MALSU1: variants seen among roughly 807,000 people sequenced by gnomAD.
The protein encoded by MALSU1 is mitochondrial assembly of ribosomal large subunit 1.
Under a neutral mutation model 22.1 loss-of-function variants are expected in MALSU1, and 22 were observed. The observed-to-expected ratio is 1.00, with a 90% CI of 0.71 to 1.42. The LOEUF (loss-of-function observed/expected upper bound fraction) is 1.42, where lower values mean the gene tolerates loss of function less well. Ranked by LOEUF, MALSU1 falls within the 40% of genes most tolerant of loss-of-function variation. The pLI, the probability that MALSU1 is intolerant of heterozygous loss-of-function variation, is 0.00. For missense variants in MALSU1, 379 were observed against 308.3 expected (o/e 1.23, Z -1.72); for synonymous variants, 153 against 118.5 (o/e 1.29, Z -1.89).
chr7:23,300,749 T>C (rs1783631219), intron 1 of MALSU1, 90 bp from the exon 2 acceptor site: 1 of 1,135,088 alleles, frequency 8.8e-7, no homozygotes, highest in Non-Finnish European at 1.3e-6. Context: ...AACACCCTCA[T>C]GGAGGAACAG....
Position 23,311,420 on chromosome 7 carries a change from GAA to G in MALSU1, c.*1878_*1879del, listed in dbSNP as rs1783825347. ...CAATCATGTAGCTAAACAAAAAACT[GAA>G]GTCTCCTGAAGCCATTTAAACCAGC... On this transcript the variant is annotated 3_prime_UTR_variant, in exon 4 of 4. Coordinates refer to ENST00000466681, the MANE Select transcript of MALSU1 (RefSeq NM_138446.2). 1.3e-5 allele frequency: 2 copies of G among 152,576 alleles called. No individual in the cohort carries two copies. The highest frequency in any genetic ancestry group is 2.9e-5 in the Non-Finnish European group (2 of 68,026). The allele number at this position is 152,576 out of a possible 1,614,324, so 9.5% of individuals were successfully genotyped here.
rs138961398 is a variant in MALSU1, at chr7:23,303,164, A to G, written c.435+2147A>G. On this transcript the variant is annotated intron_variant, in intron 2 of 3. Transcript: ENST00000466681. The stretch of plus-strand genomic sequence containing the variant: ...TCTCCAGAAATTTTTTCATTTTGCA[A>G]AAACGAAACTCTGAACTCATTAAAC... Among the ~76,000 whole-genome samples, 8 of 152,346 alleles carry G rather than the reference A, an allele frequency of 5.3e-5. 1 individual carries two copies. Among genetic ancestry groups the G allele is most frequent in the African/African-American group, 1.9e-4 (8 of 41,582 alleles).
intron 3 of MALSU1, among the ~76,000 whole-genome samples, chr7:23,308,993 T>G (rs1783764154): frequency 6.6e-6 from 1 of 152,208 alleles, no homozygotes; most frequent in Non-Finnish European, 1.5e-5. Context: ...ATATTCACGA[T>G]ACAAACATTC....
chr7:23,306,714 G>C (rs1465693131), intron 2 of MALSU1, among the ~76,000 whole-genome samples: 2 of 152,146 alleles, frequency 1.3e-5, no homozygotes, highest in Non-Finnish European at 2.9e-5. Flanking sequence ...TCTTCATTCT[G>C]TTAATGTGGT....
At chr7:23,303,885 C>T (rs1363354396) in intron 2 of MALSU1, among the ~76,000 whole-genome samples, 1 of 151,098 alleles carries the variant, frequency 6.6e-6, no homozygotes, top group Non-Finnish European at 1.5e-5. Context: ...GCGGGTAGTT[C>T]ACCTGAGGTT....
chr7:23,299,350 G>C lies in MALSU1; in HGVS notation c.-3G>C. ...CCCGCGACGCCGACGCAAGGCTGCT[G>C]CTATGGGGCCGGGCGGCCGTGTGGC... is the stretch of plus-strand genomic sequence containing the variant. On this transcript the variant is annotated 5_prime_UTR_variant, in exon 1 of 4. Coordinates refer to ENST00000466681, the MANE Select transcript of MALSU1 (RefSeq NM_138446.2). 1 of 1,566,832 alleles carries C rather than the reference G, an allele frequency of 6.4e-7. No individual in the cohort carries two copies. Among genetic ancestry groups the C allele is most frequent in the Non-Finnish European group, 8.6e-7 (1 of 1,162,062 alleles).
chr7:23,308,002 G>T, intron 3 of MALSU1, 53 bp downstream of exon 3: 1 of 1,284,144 alleles, frequency 7.8e-7, no homozygotes, highest in South Asian at 1.2e-5. Flanking sequence ...CGCTAATCTT[G>T]AATTGTTTTC....
chr7:23,303,657 A>T (rs1437143981), intron 2 of MALSU1, among the ~76,000 whole-genome samples: 13 of 151,732 alleles, frequency 8.6e-5, no homozygotes, highest in Admixed American at 8.5e-4. Flanking sequence ...AATAAAATAA[A>T]AAATTGGCTG....
chr7:23,303,833 G>T (rs143220253), intron 2 of MALSU1, among the ~76,000 whole-genome samples: 1 of 146,050 alleles, frequency 6.8e-6, no homozygotes, highest in African/African-American at 2.5e-5. Flanking sequence ...AAAAAAAAAG[G>T]CTGGGTTCAC....
chr7:23,300,672 T>C (rs950616208), intron 1 of MALSU1, among the ~76,000 whole-genome samples, 167 bp from the exon 2 acceptor site: 2 of 152,154 alleles, frequency 1.3e-5, no homozygotes, highest in Admixed American at 6.5e-5. Flanking sequence ...GGTGCTATGA[T>C]ACTACTGCCC....
intron 2 of MALSU1, among the ~76,000 whole-genome samples, chr7:23,304,079 C>G (rs1054149687): frequency 6.6e-6 from 1 of 151,422 alleles, no homozygotes; most frequent in Non-Finnish European, 1.5e-5. Flanking sequence ...GCTCTCCAGC[C>G]TGGGCAACAA....
chr7:23,309,687 G>A lies in MALSU1; in HGVS notation c.*144G>A, dbSNP rs1424029056. 1.0e-5 allele frequency: 6 copies of A among 573,330 alleles called. No homozygotes were observed. In the East Asian group the frequency reaches 1.9e-4, roughly 18 times the overall value. The allele number at this position is 573,330 out of a possible 1,614,324, so 35.5% of individuals were successfully genotyped here. A position where few individuals can be genotyped will look rare whatever the true frequency, so the allele number is the denominator to read the frequency against. On this transcript the variant is annotated 3_prime_UTR_variant, in exon 4 of 4. Transcript: ENST00000466681. ...CATGGGCACTCCTGCTAACTGGCAT[G>A]CAGAGACTGTCGATAAGTGAGCTAT...
Position 23,300,937 on chromosome 7 carries a change from AG to A in MALSU1, c.356del (p.Arg119AsnfsTer7), listed in dbSNP as rs1783635767. ...ICVIQVPPEM[R>X]YTDYFVIVSG... ...TGTGATCCAGGTTCCTCCAGAAATG[AG>A]ATATACAGATTACTTTGTGATTGTT... On this transcript the variant is annotated frameshift_variant, in exon 2 of 4. Transcript: ENST00000466681. LOFTEE classifies it high-confidence loss of function. 6.2e-7 allele frequency: 1 copy of A among 1,613,874 alleles called. No individual in the cohort carries two copies. The highest frequency in any genetic ancestry group is 1.3e-5 in the African/African-American group (1 of 74,910).
chr7:23,307,507 G>A (rs917582050), intron 2 of MALSU1, among the ~76,000 whole-genome samples: 4 of 152,166 alleles, frequency 2.6e-5, no homozygotes, highest in Non-Finnish European at 4.4e-5. Context: ...TAAACAGAAG[G>A]TAGTATCTGC....
Position 23,309,163 on chromosome 7 carries a change from G to A in MALSU1, c.518-193G>A, listed in dbSNP as rs747733949. 1.8e-4 allele frequency among the ~76,000 whole-genome samples: 28 copies of A among 152,208 alleles called. 1 individual carries two copies. Among genetic ancestry groups the A allele is most frequent in the Non-Finnish European group, 3.7e-4 (25 of 68,046 alleles). ...TGTTATATATTGACATATGCCTCCT[G>A]TAGGTACACTGAGAAAGGCATAGCA... On this transcript the variant is annotated intron_variant, in intron 3 of 3. Transcript: ENST00000466681.
At chr7:23,300,222 A>T (rs1473257172) in intron 1 of MALSU1, among the ~76,000 whole-genome samples, 2 of 152,152 alleles carry the variant, frequency 1.3e-5, no homozygotes, top group African/African-American at 2.4e-5. Flanking sequence ...GGGAAAAAAA[A>T]TTAGATTTTC....
chr7:23,308,300 G>T (rs1299769050), intron 3 of MALSU1, among the ~76,000 whole-genome samples: 1 of 152,154 alleles, frequency 6.6e-6, no homozygotes, highest in Non-Finnish European at 1.5e-5. Context: ...AGGTTTGGGG[G>T]CTGTGGTGCA....
rs1485497180 is a variant in MALSU1 at position 23,310,028 on chromosome 7, G to GTT, written c.*487_*488dup. Reference sequence around the variant, plus strand: ...AGTAACACAAGAAAGTAAACAAAGTGTTTGTTAGGAAAAACTCTGAACGCT... The same window carrying GTT: ...AGTAACACAAGAAAGTAAACAAAGTGTTTTTGTTAGGAAAAACTCTGAACGCT... On this transcript the variant is annotated 3_prime_UTR_variant, in exon 4 of 4. Coordinates refer to ENST00000466681, the MANE Select transcript of MALSU1 (RefSeq NM_138446.2). The GTT allele has an allele frequency of 8.1e-6, 1 of 123,110 alleles. No homozygotes were observed. The highest frequency in any genetic ancestry group is 2.5e-4 in the East Asian group (1 of 3,924). The allele number at this position is 123,110 out of a possible 1,614,324, so 7.6% of individuals were successfully genotyped here.
chr7:23,299,351 C>G lies in MALSU1; in HGVS notation c.-2C>G, dbSNP rs746359649. ...CCGCGACGCCGACGCAAGGCTGCTG[C>G]TATGGGGCCGGGCGGCCGTGTGGCG... On this transcript the variant is annotated 5_prime_UTR_variant, in exon 1 of 4. Transcript: ENST00000466681. 1.3e-6 allele frequency: 2 copies of G among 1,567,750 alleles called. No homozygotes were observed. Among genetic ancestry groups the G allele is most frequent in the South Asian group, 2.3e-5 (2 of 86,730 alleles).
Sources: gnomAD v4.1 joint callset for allele counts (sites outside exome capture counted in the v4.1 genomes callset) on GRCh38, gnomAD v4.1.1 for gene constraint, MANE v1.5 for transcripts, NCBI Gene and HGNC (gene_info 2026-07-23, HGNC 2026-07-21) for gene names.